The following PRKCQ variants were observed in gnomAD, a reference collection of about 807,000 sequenced individuals.
PRKCQ encodes the protein protein kinase C theta type.
PRKCQ carries 41 observed loss-of-function variants against 91.2 expected under a neutral mutation model. The observed-to-expected ratio is 0.45, with a 90% CI of 0.35 to 0.58. The LOEUF (loss-of-function observed/expected upper bound fraction) is 0.58. Among genes scored for constraint, PRKCQ ranks in the 20% least tolerant of loss-of-function variants. The pLI is 0.00. For synonymous variants in PRKCQ, 307 were observed against 316.9 expected (o/e 0.97, Z 0.33); for missense variants, 673 against 896.5 (o/e 0.75, Z 3.18).
chr10:6,417,225 A>G, the PRKCQ span, among the ~76,000 whole-genome samples: 1 of 152,154 alleles, frequency 6.6e-6, no homozygotes, highest in Admixed American at 6.5e-5. Context: ...GGTAGTTTCT[A>G]GTTTCTGTTG....
chr10:6,410,024 A>C, the PRKCQ span, among the ~76,000 whole-genome samples: 1 of 152,232 alleles, frequency 6.6e-6, no homozygotes, highest in African/African-American at 2.4e-5. Flanking sequence ...AGAAGCTCAT[A>C]AACTATGAAG....
At position 6,456,851 on chromosome 10, in the gene PRKCQ, T is replaced by C. The variant is rs1835034555; in HGVS notation, c.1509-39A>G. On this transcript the variant is annotated intron_variant, in intron 14 of 17. Coordinates refer to ENST00000263125, the MANE Select transcript of PRKCQ (RefSeq NM_006257.5). ...GTGAAGCAAATCTCACATTAATCAATATAATTTGGTTAACATAAAATTCCA... is the reference window on the plus strand; with the variant it reads ...GTGAAGCAAATCTCACATTAATCAACATAATTTGGTTAACATAAAATTCCA... 4 of 1,606,342 alleles carry C rather than the reference T, an allele frequency of 2.5e-6. No individual in the cohort carries two copies. In the East Asian group the frequency reaches 6.7e-5, roughly 27 times the overall value.
chr10:6,530,170 C>T (rs535757870), intron 1 of PRKCQ, among the ~76,000 whole-genome samples: 3 of 152,264 alleles, frequency 2.0e-5, no homozygotes, highest in Non-Finnish European at 4.4e-5. Context: ...CTTCCTAGGG[C>T]GCGGTCAGAG....
intron 1 of PRKCQ, among the ~76,000 whole-genome samples, chr10:6,563,582 C>T (rs1840714360): frequency 6.6e-6 from 1 of 152,176 alleles, no homozygotes; most frequent in Non-Finnish European, 1.5e-5. Context: ...CCTCCAATTG[C>T]AGTCTAAGCC....
chr10:6,526,006 G>T (rs149447465), intron 1 of PRKCQ, among the ~76,000 whole-genome samples: 1,626 of 152,274 alleles, frequency 0.011, 28 homozygotes, highest in African/African-American at 0.038. Flanking sequence ...ATGAGATAAG[G>T]TATGAGGAAA....
chr10:6,495,406 C>T lies in PRKCQ; in HGVS notation c.660+1629G>A, dbSNP rs565541756. 1.4e-4 allele frequency among the ~76,000 whole-genome samples: 22 copies of T among 152,312 alleles called. No individual in the cohort carries two copies. In the East Asian group the frequency reaches 3.9e-3, roughly 27 times the overall value. On this transcript the variant is annotated intron_variant, in intron 7 of 17. Coordinates refer to ENST00000263125, the MANE Select transcript of PRKCQ (RefSeq NM_006257.5). Reference sequence around the variant, plus strand: ...ACATTGGACTCTCCCTCAGCAGGGTCTTCCAGCCTGTAAGGAGCTTCCTTC... The same window carrying T: ...ACATTGGACTCTCCCTCAGCAGGGTTTTCCAGCCTGTAAGGAGCTTCCTTC...
At chr10:6,547,195 AAGG>A (rs1260173308) in intron 1 of PRKCQ, among the ~76,000 whole-genome samples, 5 of 152,152 alleles carry the variant, frequency 3.3e-5, no homozygotes, top group African/African-American at 7.2e-5. Flanking sequence ...GGACCTCTTC[AAGG>A]AGGACTACAA....
Position 6,520,087 on chromosome 10 carries a change from T to G in PRKCQ, c.-9-4943A>C, listed in dbSNP as rs910991264. 3.3e-5 allele frequency among the ~76,000 whole-genome samples: 5 copies of G among 152,174 alleles called. No individual in the cohort carries two copies. The South Asian group carries it at 1.0e-3, about 32-fold the overall frequency. ...CAAGAAGACTGACTGGCCAGGCTGT[T>G]CCGAACAAGGCAGGGGCTAGGTCCC... On this transcript the variant is annotated intron_variant, in intron 1 of 17. Transcript: ENST00000263125.
intron 1 of PRKCQ, among the ~76,000 whole-genome samples, chr10:6,546,692 C>A (rs1407284438): frequency 6.6e-6 from 1 of 152,152 alleles, no homozygotes; most frequent in Non-Finnish European, 1.5e-5. Context: ...GACAATTTGA[C>A]TTCCTCTTTT....
At chr10:6,505,261 C>T (rs1286635902) in intron 4 of PRKCQ, among the ~76,000 whole-genome samples, 5 of 152,076 alleles carry the variant, frequency 3.3e-5, no homozygotes, top group African/African-American at 1.2e-4. Context: ...TGTTTTTGCC[C>T]GATTGAATTT....
chr10:6,437,597 G>A (rs1833763164), intron 16 of PRKCQ, among the ~76,000 whole-genome samples: 1 of 152,204 alleles, frequency 6.6e-6, no homozygotes. Flanking sequence ...GTTTGAACCT[G>A]CCTTTATATA....
intron 1 of PRKCQ, among the ~76,000 whole-genome samples, chr10:6,567,416 T>C (rs781068097): frequency 8.5e-5 from 13 of 152,220 alleles, no homozygotes; most frequent in Non-Finnish European, 1.5e-4. Flanking sequence ...GAGATGCAAT[T>C]TGGGGCCAGA....
intron 1 of PRKCQ, among the ~76,000 whole-genome samples, chr10:6,553,514 AAAACAAAC>A (rs71379862): frequency 1.4e-5 from 2 of 146,620 alleles, no homozygotes; most frequent in African/African-American, 5.4e-5. Context: ...AAAAAAAAAA[AAAACAAAC>A]AAACAAAAGA....
Position 6,485,099 on chromosome 10 carries a change from G to A in PRKCQ, c.1018+53C>T. On this transcript the variant is annotated intron_variant, in intron 10 of 17. Coordinates refer to ENST00000263125, the MANE Select transcript of PRKCQ (RefSeq NM_006257.5). ...TTAAATCCAAGGGCATTAGGTTAGG[G>A]TTAATTGAGATTAATGACTGACAGT... 12 of 1,487,774 alleles carry A rather than the reference G, an allele frequency of 8.1e-6. No individual in the cohort carries two copies. In the South Asian group the frequency reaches 1.4e-4, roughly 17 times the overall value. The allele number at this position is 1,487,774 out of a possible 1,614,324, so 92.2% of individuals were successfully genotyped here.
At chr10:6,514,878 T>C in intron 2 of PRKCQ, 140 bp downstream of exon 2, 2 of 1,409,052 alleles carry the variant, frequency 1.4e-6, no homozygotes, top group South Asian at 2.5e-5. Context: ...GTCCTTGGCT[T>C]TGCTGGGCAT....
At chr10:6,415,999 G>A in the PRKCQ span, among the ~76,000 whole-genome samples, 4 of 151,946 alleles carry the variant, frequency 2.6e-5, no homozygotes, top group East Asian at 3.9e-4. Flanking sequence ...TGCCCGACTC[G>A]ACCTCTCAAA....
At chr10:6,419,649 C>T in the PRKCQ span, among the ~76,000 whole-genome samples, 2 of 150,466 alleles carry the variant, frequency 1.3e-5, no homozygotes, top group African/African-American at 4.9e-5. Flanking sequence ...TTCTGTGTAT[C>T]ACCCACTCTC....
chr10:6,486,029 T>C lies in PRKCQ; in HGVS notation c.900+6A>G. Reference sequence around the variant, plus strand: ...GCGGGAACGTGTCCACGGCACATGCTCCTACCTGTTGAGTGCTCTCAATCA... The same window carrying C: ...GCGGGAACGTGTCCACGGCACATGCCCCTACCTGTTGAGTGCTCTCAATCA... On this transcript the variant is annotated splice_donor_region_variant and intron_variant, in intron 9 of 17. Transcript: ENST00000263125. The C allele has an allele frequency of 1.2e-6, 2 of 1,612,460 alleles. No individual in the cohort carries two copies. Among genetic ancestry groups the C allele is most frequent in the Non-Finnish European group, 1.7e-6 (2 of 1,179,122 alleles).
chr10:6,437,728 T>A (rs1211955870), intron 16 of PRKCQ, among the ~76,000 whole-genome samples: 1 of 151,968 alleles, frequency 6.6e-6, no homozygotes, highest in African/African-American at 2.4e-5. Flanking sequence ...CTCGGTTCAC[T>A]ACAAGCTCCG....
Sources: gnomAD v4.1 joint callset for allele counts (sites outside exome capture counted in the v4.1 genomes callset) on GRCh38, gnomAD v4.1.1 for gene constraint, MANE v1.5 for transcripts, NCBI Gene and HGNC (gene_info 2026-07-23, HGNC 2026-07-21) for gene names.